The following RBM11 variants were observed in gnomAD, a reference collection of about 807,000 sequenced individuals.
RBM11 encodes RNA binding motif protein 11.
A neutral mutation model predicts 21.4 loss-of-function variants in RBM11; 18 were observed. That is an observed-to-expected ratio of 0.84 (90% CI 0.58 to 1.25). The LOEUF (loss-of-function observed/expected upper bound fraction) is 1.25. RBM11 is among the 50% of genes most tolerant of loss of function. The probability of loss-of-function intolerance (pLI) is 0.00; values close to 1 mark genes in which losing one functional copy is unlikely to be tolerated. For missense variants in RBM11, 294 were observed against 331.9 expected, an observed-to-expected ratio of 0.89 and a Z score of 0.89; for synonymous variants, 120 against 116.3, an observed-to-expected ratio of 1.03 and a Z score of -0.20.
In RBM11 at chr21:14,228,281, G is replaced by T. The variant is rs1340559322; in HGVS notation, c.*988G>T. ...TGGGAATTAACCACTCAATTCAATA[G>T]TAAAAGCCATGCTTGGATGTTTCTT... On this transcript the variant is annotated 3_prime_UTR_variant, in exon 5 of 5. Transcript: ENST00000400577. 1 of 152,056 alleles carries T rather than the reference G, an allele frequency of 6.6e-6. No homozygotes were observed. Among genetic ancestry groups the T allele is most frequent in the Non-Finnish European group, 1.5e-5 (1 of 68,000 alleles). The allele number at this position is 152,056 out of a possible 1,614,324, so 9.4% of individuals were successfully genotyped here.
In RBM11 at chr21:14,221,130, G is replaced by A. The variant is rs1272701566; in HGVS notation, c.293G>A (p.Ser98Asn). The A allele has an allele frequency of 3.8e-6, 6 of 1,580,552 alleles. No homozygotes were observed. Among genetic ancestry groups the A allele is most frequent in the Admixed American group, 1.8e-5 (1 of 55,432 alleles). ...CGCTCTTCTGAACCAGCTAACCAAA[G>A]TTTTGAGAGCTGTGTTAAGATAAAT... ...SSRSSEPANQ[S>N]FESCVKINSH... The change falls in exon 3 of 5, where the codon AGT becomes AAT. Residue 98 changes from serine (S) to asparagine (N), a missense_variant. Ser to Asn is a conservative substitution (Grantham distance 46). Transcript: ENST00000400577.
intron 4 of RBM11, 31 bp from the exon 5 acceptor site, chr21:14,226,849 G>T: frequency 1.3e-6 from 2 of 1,574,444 alleles, no homozygotes; most frequent in Non-Finnish European, 8.6e-7. Context: ...TTTTGGATTT[G>T]TTTTGGTAGA....
At position 14,219,710 on chromosome 21, in the gene RBM11, G is replaced by A. The variant is rs778228013; in HGVS notation, c.244G>A (p.Val82Met). Residue 82 changes from valine to methionine, a missense_variant, in exon 2 of 5, where the codon GTG (valine) becomes ATG (methionine). Coordinates refer to ENST00000400577, the MANE Select transcript of RBM11 (RefSeq NM_144770.5). ...TCGTTTATATGGAAGACCAATTAAC[G>A]TGCAGTATCGATTTGGTAGGTCCTG... Reference protein sequence around the residue: ...GIRLYGRPINVQYRFGSSRSS... With the variant: ...GIRLYGRPINMQYRFGSSRSS... 76 of 1,595,192 alleles carry A rather than the reference G, an allele frequency of 4.8e-5. 2 individuals carry two copies. In the South Asian group the frequency reaches 7.0e-4, roughly 15 times the overall value.
chr21:14,226,689 A>G lies in RBM11; in HGVS notation c.433-191A>G, dbSNP rs1242649905. ...ACTAATCTATATTGTAGTGAGCTATACACAGCCTCAACTCTTTATATTGAC... is the reference window on the plus strand; with the variant it reads ...ACTAATCTATATTGTAGTGAGCTATGCACAGCCTCAACTCTTTATATTGAC... On this transcript the variant is annotated intron_variant, in intron 4 of 4. Transcript: ENST00000400577. 2.0e-5 allele frequency among the ~76,000 whole-genome samples: 3 copies of G among 152,088 alleles called. No individual in the cohort carries two copies. In the East Asian group the frequency reaches 5.8e-4, roughly 29 times the overall value.
At chr21:14,217,635 A>T (rs773171484) in intron 1 of RBM11, among the ~76,000 whole-genome samples, 2 of 152,086 alleles carry the variant, frequency 1.3e-5, no homozygotes, top group African/African-American at 4.8e-5. Context: ...CATCCTTTTA[A>T]TTCATCTTTT....
At chr21:14,219,109 T>C (rs966415567) in intron 1 of RBM11, among the ~76,000 whole-genome samples, 2 of 152,178 alleles carry the variant, frequency 1.3e-5, no homozygotes, top group Non-Finnish European at 2.9e-5. Context: ...TGAAAAGATA[T>C]TTAATCTTCA....
chr21:14,223,835 A>G (rs961778287), intron 3 of RBM11, among the ~76,000 whole-genome samples: 1 of 152,020 alleles, frequency 6.6e-6, no homozygotes, highest in Non-Finnish European at 1.5e-5. Flanking sequence ...TCACAAGTAG[A>G]TCTGTTGTAA....
chr21:14,218,648 A>G (rs1978403291), intron 1 of RBM11, among the ~76,000 whole-genome samples: 1 of 152,168 alleles, frequency 6.6e-6, no homozygotes, highest in Non-Finnish European at 1.5e-5. Flanking sequence ...GATCATTAAT[A>G]TTTTTCTTTA....
At chr21:14,216,760 C>T (rs2020455785) in intron 1 of RBM11, among the ~76,000 whole-genome samples, 1 of 152,094 alleles carries the variant, frequency 6.6e-6, no homozygotes, top group African/African-American at 2.4e-5. Flanking sequence ...GATGATTTGG[C>T]AGCCAACTTA....
chr21:14,220,123 TAGAG>T (rs1978536319), intron 2 of RBM11, among the ~76,000 whole-genome samples: 2 of 152,174 alleles, frequency 1.3e-5, no homozygotes, highest in African/African-American at 2.4e-5. Flanking sequence ...ATTTGGAAGA[TAGAG>T]AGAGGGCATT....
At chr21:14,223,301 T>A (rs1475704403) in intron 3 of RBM11, among the ~76,000 whole-genome samples, 3 of 152,364 alleles carry the variant, frequency 2.0e-5, no homozygotes, top group Admixed American at 6.5e-5. Flanking sequence ...TATTTAACAA[T>A]CTAGTCTTTG....
At chr21:14,222,734 A>C (rs954063060) in intron 3 of RBM11, among the ~76,000 whole-genome samples, 2 of 152,238 alleles carry the variant, frequency 1.3e-5, no homozygotes, top group African/African-American at 4.8e-5. Context: ...AAAGTAGCAG[A>C]GGCAAGATGC....
At chr21:14,218,743 G>GCC (rs1978409978) in intron 1 of RBM11, among the ~76,000 whole-genome samples, 2 of 152,136 alleles carry the variant, frequency 1.3e-5, no homozygotes, top group African/African-American at 4.8e-5. Flanking sequence ...CATTAAATCA[G>GCC]TTGTTTGTGT....
At chr21:14,226,777 A>C (rs901063835) in intron 4 of RBM11, 103 bp from the exon 5 acceptor site, 59 of 1,461,236 alleles carry the variant, frequency 4.0e-5, no homozygotes, top group Admixed American at 1.6e-4. Flanking sequence ...ACCAAAACAC[A>C]GTTTAGTTTA....
At chr21:14,217,375 A>G (rs931703352) in intron 1 of RBM11, among the ~76,000 whole-genome samples, 19 of 152,212 alleles carry the variant, frequency 1.2e-4, no homozygotes, top group Admixed American at 1.1e-3. Context: ...ACTTTCTCCT[A>G]TCAGAATAAG....
intron 1 of RBM11, among the ~76,000 whole-genome samples, chr21:14,218,603 G>T (rs572210860): frequency 1.4e-4 from 21 of 152,212 alleles, no homozygotes; most frequent in Non-Finnish European, 2.5e-4. Context: ...GAAAGGAAAA[G>T]ACTAAATCTT....
chr21:14,224,296 C>T, intron 3 of RBM11, 142 bp from the exon 4 acceptor site: 1 of 1,268,588 alleles, frequency 7.9e-7, no homozygotes, highest in Non-Finnish European at 1.1e-6. Context: ...GTCAGCCCAT[C>T]ACACTTCTGA....
chr21:14,221,779 A>G (rs891035445), intron 3 of RBM11, among the ~76,000 whole-genome samples: 7 of 152,150 alleles, frequency 4.6e-5, no homozygotes, highest in African/African-American at 1.7e-4. Context: ...CTTTTGTTAC[A>G]TCCATTTTAA....
chr21:14,218,253 G>A (rs1978376443), intron 1 of RBM11, among the ~76,000 whole-genome samples: 1 of 152,038 alleles, frequency 6.6e-6, no homozygotes. Context: ...CTGTCCCATA[G>A]TGATTACATC....
Sources: allele counts gnomAD v4.1 joint callset (sites outside exome capture counted in the v4.1 genomes callset), GRCh38; gene constraint gnomAD v4.1.1; transcripts MANE v1.5; gene names NCBI Gene and HGNC (gene_info 2026-07-23, HGNC 2026-07-21).